LDB2: variants seen among roughly 807,000 people sequenced by gnomAD.
The protein encoded by LDB2 is LIM domain binding 2.
LDB2 carries 12 observed loss-of-function variants against 44.3 expected under a neutral mutation model. The observed-to-expected ratio is 0.27, with a 90% CI of 0.17 to 0.44. The LOEUF is 0.44. LDB2 is among the 20% of genes least tolerant of loss of function. LDB2 has a pLI of 1.00. For synonymous variants in LDB2, 164 were observed against 174.8 expected, an observed-to-expected ratio of 0.94 and a Z score of 0.49; for missense variants, 344 against 473.5, an observed-to-expected ratio of 0.73 and a Z score of 2.54.
intron 5 of LDB2, among the ~76,000 whole-genome samples, chr4:16,517,317 G>A (rs1349409535): frequency 6.7e-6 from 1 of 149,368 alleles, no homozygotes; most frequent in African/African-American, 2.5e-5. Flanking sequence ...CAAGATATAT[G>A]CCTTTTCCTC....
At chr4:16,796,124 T>A (rs914384747) in intron 1 of LDB2, among the ~76,000 whole-genome samples, 2 of 151,844 alleles carry the variant, frequency 1.3e-5, no homozygotes, top group South Asian at 2.1e-4. Context: ...AAATCCCATC[T>A]CTACAAAAAA....
intron 5 of LDB2, among the ~76,000 whole-genome samples, chr4:16,566,758 G>A (rs1744675887): frequency 6.6e-6 from 1 of 152,006 alleles, no homozygotes; most frequent in Admixed American, 6.6e-5. Flanking sequence ...GTATATCACA[G>A]CAAAGTTGTT....
At chr4:16,813,912 C>T (rs527672022) in intron 1 of LDB2, among the ~76,000 whole-genome samples, 144 of 151,238 alleles carry the variant, frequency 9.5e-4, no homozygotes, top group Non-Finnish European at 1.6e-3. Flanking sequence ...GGCTCTGTCG[C>T]CCAGGCTGGA....
chr4:16,740,951 ACT>A (rs1156366576), intron 2 of LDB2, among the ~76,000 whole-genome samples: 2 of 152,156 alleles, frequency 1.3e-5, no homozygotes, highest in African/African-American at 4.8e-5. Context: ...GCTAGGAAAG[ACT>A]CTCTCAATCA....
At chr4:16,724,283 A>G (rs1758951892) in intron 2 of LDB2, among the ~76,000 whole-genome samples, 1 of 151,872 alleles carries the variant, frequency 6.6e-6, no homozygotes, top group Non-Finnish European at 1.5e-5. Flanking sequence ...CTATCTGGGT[A>G]TCTGTGTTCT....
intron 2 of LDB2, among the ~76,000 whole-genome samples, chr4:16,646,292 G>A (rs963474520): frequency 5.9e-5 from 9 of 151,864 alleles, no homozygotes; most frequent in African/African-American, 1.7e-4. Context: ...TTGTTATCTT[G>A]ATCTAGAACA....
intron 5 of LDB2, 35 bp from the exon 6 acceptor site, chr4:16,512,139 C>A: frequency 6.5e-7 from 1 of 1,537,782 alleles, no homozygotes; most frequent in Non-Finnish European, 8.8e-7. Flanking sequence ...CATTTCACTA[C>A]TTCATAACAC....
At chr4:16,847,375 C>T (rs923157850) in intron 1 of LDB2, among the ~76,000 whole-genome samples, 4 of 152,126 alleles carry the variant, frequency 2.6e-5, no homozygotes, top group Non-Finnish European at 5.9e-5. Context: ...TCAGTGTTAA[C>T]ATTCTAGAGG....
chr4:16,898,280 C>G lies in LDB2; in HGVS notation c.132+74G>C, dbSNP rs900322248. 4 of 1,454,296 alleles carry G rather than the reference C, an allele frequency of 2.8e-6. No individual in the cohort carries two copies. In the African/African-American group the frequency reaches 5.6e-5, roughly 20 times the overall value. 90.1% of individuals were successfully genotyped at this position (1,454,296 alleles called of 1,614,324 possible). A position where few individuals can be genotyped will look rare whatever the true frequency, so the allele number is the denominator to read the frequency against. ...TGGGACACTTCCCATAGAATTCAGC[C>G]AGAAACCCTAGGAAAAGCTCATGCA... is the stretch of plus-strand genomic sequence containing the variant. On this transcript the variant is annotated intron_variant, in intron 1 of 7. Coordinates refer to ENST00000304523, the MANE Select transcript of LDB2 (RefSeq NM_001290.5).
intron 1 of LDB2, among the ~76,000 whole-genome samples, chr4:16,860,813 T>C (rs907673625): frequency 9.2e-5 from 14 of 152,204 alleles, no homozygotes; most frequent in African/African-American, 3.4e-4. Flanking sequence ...GTATTTTATA[T>C]CCAGCAATAC....
chr4:16,800,739 A>G (rs1028084669), intron 1 of LDB2, among the ~76,000 whole-genome samples: 1 of 152,202 alleles, frequency 6.6e-6, no homozygotes, highest in African/African-American at 2.4e-5. Context: ...CAGTGGCGCA[A>G]TCTCGGCTCA....
At chr4:16,603,657 A>G (rs531235041) in intron 2 of LDB2, among the ~76,000 whole-genome samples, 81 of 152,238 alleles carry the variant, frequency 5.3e-4, no homozygotes, top group African/African-American at 1.8e-3. Context: ...CATTTTCATA[A>G]CTGTACTCTG....
chr4:16,829,480 A>G (rs1783670243), intron 1 of LDB2, among the ~76,000 whole-genome samples: 1 of 152,218 alleles, frequency 6.6e-6, no homozygotes, highest in African/African-American at 2.4e-5. Flanking sequence ...TGCTGCTTTG[A>G]TAAAATATAT....
At chr4:16,758,160 C>T (rs1018408411) in intron 2 of LDB2, among the ~76,000 whole-genome samples, 1 of 152,088 alleles carries the variant, frequency 6.6e-6, no homozygotes, top group Non-Finnish European at 1.5e-5. Context: ...CAAATAGCAC[C>T]AAGTTGCCTA....
intron 1 of LDB2, among the ~76,000 whole-genome samples, chr4:16,843,157 C>T (rs1311364589): frequency 6.6e-6 from 1 of 152,116 alleles, no homozygotes; most frequent in African/African-American, 2.4e-5. Context: ...TTACAAACAC[C>T]TTGTTCAATG....
intron 2 of LDB2, among the ~76,000 whole-genome samples, chr4:16,701,886 T>G (rs1033767763): frequency 6.6e-6 from 1 of 152,228 alleles, no homozygotes; most frequent in Non-Finnish European, 1.5e-5. Flanking sequence ...ACCAGAACAT[T>G]GCCTGGCAGA....
chr4:16,679,368 T>C (rs537694530), intron 2 of LDB2, among the ~76,000 whole-genome samples: 18 of 152,130 alleles, frequency 1.2e-4, no homozygotes, highest in Admixed American at 9.2e-4. Context: ...TTTTCTGAGT[T>C]GACAGTAAAA....
intron 2 of LDB2, among the ~76,000 whole-genome samples, chr4:16,713,937 C>G (rs1479174716): frequency 6.6e-6 from 1 of 152,146 alleles, no homozygotes; most frequent in Non-Finnish European, 1.5e-5. Context: ...TTATTTCTGT[C>G]TGAGATCATC....
intron 2 of LDB2, among the ~76,000 whole-genome samples, chr4:16,729,179 T>C (rs1224347398): frequency 6.6e-6 from 1 of 152,202 alleles, no homozygotes; most frequent in Admixed American, 6.5e-5. Flanking sequence ...TATTTCAGAC[T>C]TCAAAACAAA....
Sources: allele counts gnomAD v4.1 joint callset (sites outside exome capture counted in the v4.1 genomes callset), GRCh38; gene constraint gnomAD v4.1.1; transcripts MANE v1.5; gene names NCBI Gene and HGNC (gene_info 2026-07-23, HGNC 2026-07-21).